The following PCDHGB3 variants were observed in gnomAD, a reference collection of about 807,000 sequenced individuals.
The protein encoded by PCDHGB3 is protocadherin gamma subfamily B, 3.
In PCDHGB3, 40 loss-of-function variants were observed where a neutral mutation model predicts 59.2. The observed-to-expected ratio is 0.68, with a 90% CI of 0.52 to 0.88. The LOEUF (loss-of-function observed/expected upper bound fraction) is 0.88, where lower values mean the gene tolerates loss of function less well. Among genes scored for constraint, PCDHGB3 ranks in the 40% least tolerant of loss-of-function variants. The probability of loss-of-function intolerance (pLI) is 0.00; values close to 1 mark genes in which losing one functional copy is unlikely to be tolerated. For synonymous variants in PCDHGB3, 581 were observed against 503.6 expected (o/e 1.15, Z -2.06); for missense variants, 1,309 against 1,187.9 (o/e 1.10, Z -1.50).
intron 1 of PCDHGB3, chr5:141,405,066 T>G: frequency 1.2e-6 from 2 of 1,613,866 alleles, no homozygotes; most frequent in South Asian, 2.2e-5. Context: ...TGTGTCTTCC[T>G]CACCTTCGTT....
Position 141,491,000 on chromosome 5 carries a change from C to T in PCDHGB3, c.2416-3807C>T. 6.2e-7 allele frequency: 1 copy of T among 1,614,142 alleles called. No homozygotes were observed. The highest frequency in any genetic ancestry group is 1.1e-5 in the South Asian group (1 of 91,086). On this transcript the variant is annotated intron_variant, in intron 1 of 3. Transcript: ENST00000576222. The surrounding 1 kb of genome is among the most constrained non-coding windows in gnomAD (Gnocchi z 5.4). ...CTCCCTCGCTCTGCTCCTCCTGGCTCCTTGGTCACCAAGGTGACAGCCGTG... is the reference window on the plus strand; with the variant it reads ...CTCCCTCGCTCTGCTCCTCCTGGCTTCTTGGTCACCAAGGTGACAGCCGTG...
intron 1 of PCDHGB3, chr5:141,413,729 GAGTTC>G: frequency 6.2e-7 from 1 of 1,613,496 alleles, no homozygotes; most frequent in Non-Finnish European, 8.5e-7. Flanking sequence ...TTCTCCCTAA[GAGTTC>G]AGAGCCGTGC....
Position 141,477,535 on chromosome 5 carries a change from G to A in PCDHGB3, c.2416-17272G>A, listed in dbSNP as rs2099412713. ...ACATTGAAGAAAACAACCTCCCCGG[G>A]GCTCCAATACTAAACCTAAGTGTCT... On this transcript the variant is annotated intron_variant, in intron 1 of 3. Transcript: ENST00000576222. The surrounding 1 kb of genome is among the most constrained non-coding windows in gnomAD (Gnocchi z 4.9). 1.2e-6 allele frequency: 2 copies of A among 1,613,936 alleles called. No homozygotes were observed. The highest frequency in any genetic ancestry group is 2.7e-5 in the African/African-American group (2 of 74,866).
Position 141,487,424 on chromosome 5 carries a change from C to T in PCDHGB3, c.2416-7383C>T, listed in dbSNP as rs759893122. 5 of 1,613,982 alleles carry T rather than the reference C, an allele frequency of 3.1e-6. No individual in the cohort carries two copies. The highest frequency in any genetic ancestry group is 1.7e-5 in the Admixed American group (1 of 60,000). On this transcript the variant is annotated intron_variant, in intron 1 of 3. Transcript: ENST00000576222. The surrounding 1 kb of genome is among the most constrained non-coding windows in gnomAD (Gnocchi z 5.0). ...GCTTCCCCCTTCCAATGGGATCCTC[C>T]GAATCCAGCTAGGGTCAGATGACCC...
intron 2 of PCDHGB3, among the ~76,000 whole-genome samples, chr5:141,498,411 C>T (rs747823234): frequency 2.0e-5 from 3 of 152,158 alleles, no homozygotes; most frequent in Non-Finnish European, 4.4e-5. Context: ...TTTCTCTTTG[C>T]TGGCACTGGA....
At chr5:141,374,551 G>C (rs1314667705) in intron 1 of PCDHGB3, 2 of 1,613,400 alleles carry the variant, frequency 1.2e-6, no homozygotes, top group African/African-American at 2.7e-5. Context: ...CACTAATGGA[G>C]GTCTATGACC....
chr5:141,491,293 C>T lies in PCDHGB3; in HGVS notation c.2416-3514C>T. On this transcript the variant is annotated intron_variant, in intron 1 of 3. Transcript: ENST00000576222. This position sits in a 1 kb window ranked among gnomAD's most constrained non-coding sequence, Gnocchi z 6.9. Reference sequence around the variant, plus strand: ...ATCCAGTGACTTCCTCATACACCCTCCTGAGCGTTCAGACCTTACCCTTTA... The same window carrying T: ...ATCCAGTGACTTCCTCATACACCCTTCTGAGCGTTCAGACCTTACCCTTTA... 6.2e-7 allele frequency: 1 copy of T among 1,614,166 alleles called. No homozygotes were observed. The highest frequency in any genetic ancestry group is 1.3e-5 in the African/African-American group (1 of 75,058).
Position 141,415,510 on chromosome 5 carries a change from T to C in PCDHGB3, c.2415+42701T>C, listed in dbSNP as rs780820182. On this transcript the variant is annotated intron_variant, in intron 1 of 3. Coordinates refer to ENST00000576222, the MANE Select transcript of PCDHGB3 (RefSeq NM_018924.5). ...TCACCTGATCTTCCCCCAGCCCAAT[T>C]ATGCGGACACGCTCATCAGCCAGGA... The C allele has an allele frequency of 2.5e-6, 4 of 1,614,088 alleles. No homozygotes were observed. The African/African-American group carries it at 5.3e-5, about 22-fold the overall frequency.
At chr5:141,390,353 T>C (rs2092125983) in intron 1 of PCDHGB3, 3 of 1,554,516 alleles carry the variant, frequency 1.9e-6, no homozygotes, top group African/African-American at 2.8e-5. Flanking sequence ...AAAATATACA[T>C]ATTTGCAGGA....
chr5:141,418,095 C>T, intron 1 of PCDHGB3: 1 of 1,614,006 alleles, frequency 6.2e-7, no homozygotes, highest in Non-Finnish European at 8.5e-7. Context: ...AGCGTAGACG[C>T]GCAGAGCGGG....
intron 1 of PCDHGB3, chr5:141,374,270 G>A (rs377535875): frequency 1.2e-6 from 2 of 1,613,872 alleles, no homozygotes; most frequent in African/African-American, 1.3e-5. Context: ...GGCGGAGCAC[G>A]GAGTCCGCAT....
At chr5:141,429,164 G>A (rs2097189096) in intron 1 of PCDHGB3, 1 of 131,392 alleles carries the variant, frequency 7.6e-6, no homozygotes, top group African/African-American at 3.1e-5. Flanking sequence ...CGGAGACATT[G>A]TTTATACACA....
intron 1 of PCDHGB3, chr5:141,399,813 G>A (rs985564503): frequency 6.2e-7 from 1 of 1,613,198 alleles, no homozygotes; most frequent in Non-Finnish European, 8.5e-7. Context: ...TGTACCCCGC[G>A]CTGGGTCCCG....
In PCDHGB3 at chr5:141,390,133, A is replaced by G. The variant is rs1394678030; in HGVS notation, c.2415+17324A>G. ...AGCGAGGGGACTTTGCCTTATTCCT[A>G]CAATCTATGTGTTGCACATACAGGA... On this transcript the variant is annotated intron_variant, in intron 1 of 3. Coordinates refer to ENST00000576222, the MANE Select transcript of PCDHGB3 (RefSeq NM_018924.5). The G allele has an allele frequency of 3.1e-6, 5 of 1,614,040 alleles. No individual in the cohort carries two copies. The South Asian group carries it at 5.5e-5, about 18-fold the overall frequency.
At chr5:141,404,114 G>C (rs2094486353) in intron 1 of PCDHGB3, 4 of 1,613,348 alleles carry the variant, frequency 2.5e-6, no homozygotes, top group Non-Finnish European at 3.4e-6. Context: ...TTCTATCCAG[G>C]AGAATCTATC....
At chr5:141,375,275 G>A in intron 1 of PCDHGB3, 1 of 1,613,902 alleles carries the variant, frequency 6.2e-7, no homozygotes. Context: ...GGAAAAATCA[G>A]TTGGCAATTA....
chr5:141,386,113 A>G (rs187458187), intron 1 of PCDHGB3: 12 of 152,338 alleles, frequency 7.9e-5, no homozygotes, highest in Admixed American at 2.0e-4. Context: ...TGGGCTATCA[A>G]AGTGGGAGAT....
intron 1 of PCDHGB3, among the ~76,000 whole-genome samples, chr5:141,373,465 A>G (rs2150023959): frequency 6.6e-6 from 1 of 152,348 alleles, no homozygotes; most frequent in Non-Finnish European, 1.5e-5. Flanking sequence ...AGCAGCTGCA[A>G]TGAGCTATAA....
intron 1 of PCDHGB3, chr5:141,385,051 C>T (rs1222079447): frequency 2.5e-6 from 4 of 1,614,036 alleles, no homozygotes; most frequent in Admixed American, 1.7e-5. Flanking sequence ...CAGGCTGCGG[C>T]GCTGGCACAA....
Sources: gnomAD v4.1 joint callset for allele counts (sites outside exome capture counted in the v4.1 genomes callset) on GRCh38, gnomAD v4.1.1 for gene constraint, Gnocchi (gnomAD v3.1) non-coding constraint, MANE v1.5 for transcripts, NCBI Gene and HGNC (gene_info 2026-07-23, HGNC 2026-07-21) for gene names.